Variants in PCDHA6 observed in about 807,000 individuals in gnomAD.
The protein encoded by PCDHA6 is protocadherin alpha-6.
In PCDHA6, 55 loss-of-function variants were observed where a neutral mutation model predicts 60.3. The ratio of observed to expected loss-of-function variants is 0.91; its 90% CI spans 0.73 to 1.14. PCDHA6 has a LOEUF of 1.14. Ranked by LOEUF, PCDHA6 falls within the 50% of genes most tolerant of loss-of-function variation. PCDHA6 has a pLI of 0.00. For missense variants in PCDHA6, 1,327 were observed against 1,256.5 expected (o/e 1.06, Z -0.85); for synonymous variants, 652 against 557.9 (o/e 1.17, Z -2.38).
intron 1 of PCDHA6, chr5:140,928,069 A>C (rs782427256): frequency 6.2e-7 from 1 of 1,614,180 alleles, no homozygotes; most frequent in Non-Finnish European, 8.5e-7. Context: ...TTCCTTTGAC[A>C]ACTACTACAG....
At chr5:140,888,959 A>G (rs1554183707) in intron 1 of PCDHA6, among the ~76,000 whole-genome samples, 1 of 152,024 alleles carries the variant, frequency 6.6e-6, no homozygotes, top group African/African-American at 2.4e-5. Flanking sequence ...TTCTTTGGCA[A>G]TGTTAATGTG....
intron 1 of PCDHA6, chr5:140,876,038 G>C: frequency 6.2e-7 from 1 of 1,613,822 alleles, no homozygotes; most frequent in East Asian, 2.2e-5. Flanking sequence ...AAAGATAAAA[G>C]TATATTGCCT....
intron 1 of PCDHA6, chr5:140,864,329 T>C (rs1381036358): frequency 1.3e-5 from 2 of 152,196 alleles, no homozygotes; most frequent in Non-Finnish European, 2.9e-5. Flanking sequence ...ATCATAATTA[T>C]TTGAGTTTAA....
In PCDHA6 at chr5:140,966,999, G is replaced by A. The variant is rs782081862; in HGVS notation, c.2395-11950G>A. 115 of 1,604,458 alleles carry A rather than the reference G, an allele frequency of 7.2e-5. No homozygotes were observed. The highest frequency in any genetic ancestry group is 8.8e-5 in the Non-Finnish European group (104 of 1,177,324). ...CGGCGCTTGGGGCCGGGTTGCTTGC[G>A]CATCAACCATCTGGGTGCGCCCAGT... On this transcript the variant is annotated intron_variant, in intron 1 of 3. Transcript: ENST00000529310.
At chr5:140,887,204 C>T (rs1438790748) in intron 1 of PCDHA6, among the ~76,000 whole-genome samples, 7 of 151,828 alleles carry the variant, frequency 4.6e-5, no homozygotes, top group African/African-American at 1.5e-4. Flanking sequence ...TCACGCCATT[C>T]TCCTGCCTCA....
At chr5:140,958,442 T>C (rs1554223476) in intron 1 of PCDHA6, among the ~76,000 whole-genome samples, 1 of 152,178 alleles carries the variant, frequency 6.6e-6, no homozygotes, top group Non-Finnish European at 1.5e-5. Flanking sequence ...AATTTAAAAA[T>C]ACCTTTTATT....
intron 1 of PCDHA6, among the ~76,000 whole-genome samples, chr5:140,899,002 G>T (rs1265936919): frequency 7.2e-4 from 110 of 151,880 alleles, no homozygotes; most frequent in African/African-American, 2.6e-3. Context: ...GTCTGTTATT[G>T]GTGTATAAGA....
chr5:140,929,058 A>G (rs372120484), intron 1 of PCDHA6: 2 of 1,614,072 alleles, frequency 1.2e-6, no homozygotes, highest in African/African-American at 2.7e-5. Context: ...GTCGCTCTAC[A>G]GAGGATCTGA....
chr5:140,949,958 T>G (rs1192385409), intron 1 of PCDHA6, among the ~76,000 whole-genome samples: 1 of 151,896 alleles, frequency 6.6e-6, no homozygotes, highest in Non-Finnish European at 1.5e-5. Context: ...GTGGTTGCTG[T>G]AAGGATTACA....
intron 1 of PCDHA6, chr5:140,966,755 C>G: frequency 2.8e-6 from 4 of 1,434,520 alleles, no homozygotes; most frequent in Non-Finnish European, 1.8e-6. Flanking sequence ...GCCTCCGCCG[C>G]GGCCAGTGGC....
intron 1 of PCDHA6, among the ~76,000 whole-genome samples, chr5:140,889,202 T>G (rs1329949873): frequency 6.6e-6 from 1 of 151,910 alleles, no homozygotes; most frequent in Non-Finnish European, 1.5e-5. Context: ...ACTTGAATAC[T>G]TAACAAAGAA....
At chr5:140,900,130 C>T (rs1156261230) in intron 1 of PCDHA6, among the ~76,000 whole-genome samples, 1 of 152,084 alleles carries the variant, frequency 6.6e-6, no homozygotes, top group East Asian at 1.9e-4. Flanking sequence ...TTTTAGGTAC[C>T]ACAAATAAGT....
At chr5:140,858,190 G>T in intron 1 of PCDHA6, 1 of 1,597,502 alleles carries the variant, frequency 6.3e-7, no homozygotes, top group Admixed American at 1.7e-5. Context: ...TCACGCTGCT[G>T]CTGTACACTG....
intron 1 of PCDHA6, chr5:140,859,465 T>A: frequency 4.7e-6 from 1 of 214,084 alleles, no homozygotes; most frequent in Non-Finnish European, 9.1e-6. Flanking sequence ...AAAACTACAC[T>A]ATCAATTGTG....
intron 1 of PCDHA6, among the ~76,000 whole-genome samples, chr5:140,977,234 A>G (rs2096751203): frequency 1.3e-5 from 2 of 152,242 alleles, no homozygotes; most frequent in Non-Finnish European, 2.9e-5. Flanking sequence ...CCAATCATAG[A>G]AAAATTGGCA....
intron 1 of PCDHA6, chr5:140,855,784 A>T: frequency 2.4e-6 from 1 of 425,516 alleles, no homozygotes; most frequent in Non-Finnish European, 4.2e-6. Flanking sequence ...TACGTAAAAA[A>T]AGAATTAACA....
Position 140,828,566 on chromosome 5 carries a change from G to C in PCDHA6, c.475G>C (p.Asp159His), listed in dbSNP as rs148766603. The C allele has an allele frequency of 2.0e-5, 32 of 1,614,216 alleles. No homozygotes were observed. The African/African-American group carries it at 3.6e-4, about 18-fold the overall frequency. ...TGTGTTTCCACTGGAGGGCGCGTCC[G>C]ATGCAGATGTTGGCTCAAATTCCAT... is the stretch of plus-strand genomic sequence containing the variant. ...DSVFPLEGAS[D>H]ADVGSNSILT... is the part of the protein sequence containing the mutation. The change falls in exon 1 of 4, where the codon GAT becomes CAT. Residue 159 changes from aspartate (D) to histidine (H), a missense_variant. By Grantham distance (81) the Asp-to-His change is moderately conservative. Transcript: ENST00000529310.
At position 140,849,787 on chromosome 5, in the gene PCDHA6, G is replaced by T. The variant is rs1421161535; in HGVS notation, c.2394+19302G>T. 3 of 1,598,342 alleles carry T rather than the reference G, an allele frequency of 1.9e-6. 1 individual carries two copies. In the African/African-American group the frequency reaches 4.0e-5, roughly 21 times the overall value. On this transcript the variant is annotated intron_variant, in intron 1 of 3. Transcript: ENST00000529310. Reference sequence around the variant, plus strand: ...CTGGTGGTTACCGCGCGGGACGGGGGCTCGCCTTCACTGTGGGCCACGGCC... The same window carrying T: ...CTGGTGGTTACCGCGCGGGACGGGGTCTCGCCTTCACTGTGGGCCACGGCC...
At chr5:140,995,557 A>G (rs1032736761) in intron 3 of PCDHA6, among the ~76,000 whole-genome samples, 2 of 152,252 alleles carry the variant, frequency 1.3e-5, no homozygotes, top group African/African-American at 2.4e-5. Flanking sequence ...ACTGTACTGA[A>G]TAATATGTCA....
Sources: gnomAD v4.1 joint callset for allele counts (sites outside exome capture counted in the v4.1 genomes callset) on GRCh38, gnomAD v4.1.1 for gene constraint, MANE v1.5 for transcripts, NCBI Gene and HGNC (gene_info 2026-07-23, HGNC 2026-07-21) for gene names.